Variants in TAS2R1 observed in about 807,000 individuals in gnomAD.
TAS2R1 encodes taste receptor type 2 member 1.
For missense variants in TAS2R1, 370 were observed against 353.4 expected (o/e 1.05, Z -0.38); for synonymous variants, 141 against 134.2 (o/e 1.05, Z -0.35).
the TAS2R1 span, among the ~76,000 whole-genome samples, chr5:9,755,282 A>T: frequency 6.6e-6 from 1 of 152,170 alleles, no homozygotes; most frequent in African/African-American, 2.4e-5. Context: ...AAGCAACTTT[A>T]TTAAGAAAGT....
the TAS2R1 span, among the ~76,000 whole-genome samples, chr5:9,802,588 C>T: frequency 6.6e-6 from 1 of 152,126 alleles, no homozygotes; most frequent in Non-Finnish European, 1.5e-5. Flanking sequence ...TAGATCCAAA[C>T]CAAGACAAAA....
At chr5:9,893,208 C>CTTTT in the TAS2R1 span, among the ~76,000 whole-genome samples, 1 of 138,280 alleles carries the variant, frequency 7.2e-6, no homozygotes, top group South Asian at 2.3e-4. Flanking sequence ...GTTGCCCCAG[C>CTTTT]TTTTTTTTTT....
upstream of TAS2R1, among the ~76,000 whole-genome samples, chr5:9,631,396 T>C (rs1739870617): frequency 6.6e-6 from 1 of 152,124 alleles, no homozygotes; most frequent in Non-Finnish European, 1.5e-5. Flanking sequence ...TGCACCACCA[T>C]GCCTGACTGC....
At chr5:9,744,407 A>G in the TAS2R1 span, among the ~76,000 whole-genome samples, 6 of 152,200 alleles carry the variant, frequency 3.9e-5, no homozygotes, top group African/African-American at 1.4e-4. Flanking sequence ...ATGGAAAAAT[A>G]TTGGATAAAA....
At chr5:9,673,419 T>C (rs1196747864) in intron 1 of TAS2R1, among the ~76,000 whole-genome samples, 1 of 152,090 alleles carries the variant, frequency 6.6e-6, no homozygotes, top group Non-Finnish European at 1.5e-5. Context: ...GGCATTATGG[T>C]TTCTTTTTCT....
At chr5:9,765,448 G>A in the TAS2R1 span, 1 of 151,742 alleles carries the variant, frequency 6.6e-6, no homozygotes, top group African/African-American at 2.4e-5. Flanking sequence ...ATGAATAAAT[G>A]CTGGTCAAAT....
At chr5:9,853,780 G>T in the TAS2R1 span, among the ~76,000 whole-genome samples, 1 of 152,124 alleles carries the variant, frequency 6.6e-6, no homozygotes, top group African/African-American at 2.4e-5. Context: ...GGGCATAAAA[G>T]AGATATGAGG....
At chr5:9,647,764 T>C (rs1460348572) in intron 2 of TAS2R1, among the ~76,000 whole-genome samples, 1 of 152,168 alleles carries the variant, frequency 6.6e-6, no homozygotes, top group Non-Finnish European at 1.5e-5. Context: ...GAAATATTCT[T>C]TCTCAATTAT....
chr5:9,755,495 G>A, the TAS2R1 span, among the ~76,000 whole-genome samples: 3 of 150,032 alleles, frequency 2.0e-5, no homozygotes, highest in African/African-American at 7.3e-5. Flanking sequence ...GCTGAGGCGG[G>A]AGAATTGCTT....
At chr5:9,834,382 CAAAAAG>C in the TAS2R1 span, among the ~76,000 whole-genome samples, 2 of 152,140 alleles carry the variant, frequency 1.3e-5, no homozygotes, top group Admixed American at 1.3e-4. Flanking sequence ...GTACCTGGCA[CAAAAAG>C]AAACTCAATA....
At chr5:9,834,656 G>C in the TAS2R1 span, among the ~76,000 whole-genome samples, 1 of 151,932 alleles carries the variant, frequency 6.6e-6, no homozygotes, top group Non-Finnish European at 1.5e-5. Context: ...ACAGGCAATA[G>C]CTCCCTCCCC....
upstream of TAS2R1, among the ~76,000 whole-genome samples, chr5:9,631,146 C>T (rs541952277): frequency 4.6e-5 from 7 of 152,228 alleles, no homozygotes; most frequent in South Asian, 2.1e-4. Context: ...ACCACTATGA[C>T]GGGACAAAGG....
rs778422347 is a variant in TAS2R1 at position 9,629,250 on chromosome 5, G to C, written c.783C>G (p.Phe261Leu). The part of the protein sequence containing the change: ...KFHIRRFIFL[F>L]FILVIGIYPS... ...GGTATATACCAATCACAAGGATGAA[G>C]AACAGAAAGATGAACCTTCTGATGT... The change falls in exon 1 of 1, where the codon TTC becomes TTG. Residue 261 changes from phenylalanine to leucine, a missense_variant. Physicochemically the swap from Phe to Leu is conservative, Grantham distance 22. Transcript: ENST00000382492. 1.2e-6 allele frequency: 2 copies of C among 1,613,918 alleles called. No individual in the cohort carries two copies. Among genetic ancestry groups the C allele is most frequent in the South Asian group, 2.2e-5 (2 of 91,054 alleles).
chr5:9,807,738 G>A, the TAS2R1 span, among the ~76,000 whole-genome samples: 2 of 152,210 alleles, frequency 1.3e-5, no homozygotes, highest in African/African-American at 4.8e-5. Flanking sequence ...GCATAAGAAT[G>A]ATACATTGGA....
the TAS2R1 span, among the ~76,000 whole-genome samples, chr5:9,884,473 TAAAA>T: frequency 1.8e-5 from 2 of 108,330 alleles, no homozygotes; most frequent in Non-Finnish European, 1.9e-5. Context: ...GACTCTGACT[TAAAA>T]AAAAAAAAAA....
chr5:9,859,634 C>T, the TAS2R1 span, among the ~76,000 whole-genome samples: 4 of 152,286 alleles, frequency 2.6e-5, no homozygotes, highest in Middle Eastern at 3.4e-3. Context: ...CTCAGTCACA[C>T]GCATTCAAGC....
rs78963190 is a variant in TAS2R1, at chr5:9,660,539, C to T, written c.-241-958G>A. 2.2e-3 allele frequency among the ~76,000 whole-genome samples: 329 copies of T among 152,134 alleles called. 3 individuals are homozygous for T. Among genetic ancestry groups the T allele is most frequent in the African/African-American group, 7.5e-3 (311 of 41,494 alleles). On this transcript the variant is annotated intron_variant, in intron 1 of 2. Transcript: ENST00000506620. ...AACATGGGAAATGAAACCCAATGGC[C>T]GCAACGTCCTTAAAACCCATGCATC...
chr5:9,711,342 A>G (rs1294508616), intron 1 of TAS2R1, among the ~76,000 whole-genome samples: 1 of 152,214 alleles, frequency 6.6e-6, no homozygotes, highest in Non-Finnish European at 1.5e-5. Flanking sequence ...CTTACAAAGA[A>G]CTGAATCCTG....
At chr5:9,847,132 C>A in the TAS2R1 span, among the ~76,000 whole-genome samples, 1 of 152,184 alleles carries the variant, frequency 6.6e-6, no homozygotes, top group African/African-American at 2.4e-5. Context: ...CTCACAAAAC[C>A]TTACACGCTG....
Sources: allele counts gnomAD v4.1 joint callset (sites outside exome capture counted in the v4.1 genomes callset), GRCh38; gene constraint gnomAD v4.1.1; transcripts MANE v1.5; gene names NCBI Gene and HGNC (gene_info 2026-07-23, HGNC 2026-07-21).